KIF2A: variants seen among roughly 807,000 people sequenced by gnomAD.
KIF2A encodes kinesin family member 2A.
KIF2A carries 22 observed loss-of-function variants against 100.2 expected under a neutral mutation model. The observed-to-expected ratio is 0.22, with a 90% confidence interval of 0.16 to 0.31. The LOEUF is 0.31. Among genes scored for constraint, KIF2A ranks in the 10% least tolerant of loss-of-function variants. KIF2A has a pLI of 1.00. For synonymous variants in KIF2A, 268 were observed against 285.9 expected (o/e 0.94, Z 0.63); for missense variants, 495 against 898.7 (o/e 0.55, Z 5.74).
intron 4 of KIF2A, among the ~76,000 whole-genome samples, chr5:62,351,147 G>A (rs1384440933): frequency 6.6e-6 from 1 of 151,910 alleles, no homozygotes; most frequent in Non-Finnish European, 1.5e-5. Context: ...CAGGAGGATC[G>A]CTTGAACCCA....
At chr5:62,347,742 G>T (rs1450691332) in intron 2 of KIF2A, among the ~76,000 whole-genome samples, 1 of 151,766 alleles carries the variant, frequency 6.6e-6, no homozygotes. Context: ...CCTCCCACCT[G>T]TCTCCAGAGT....
At chr5:62,374,673 T>C (rs1004266818) in intron 18 of KIF2A, among the ~76,000 whole-genome samples, 2 of 152,156 alleles carry the variant, frequency 1.3e-5, no homozygotes, top group Non-Finnish European at 2.9e-5. Flanking sequence ...AGGCGCGGTG[T>C]CTCACGCCTG....
chr5:62,390,690 A>G lies in KIF2A; in HGVS notation c.*5121A>G, dbSNP rs1177651405. On this transcript the variant is annotated 3_prime_UTR_variant, in exon 21 of 21. Coordinates refer to ENST00000407818, the MANE Select transcript of KIF2A (RefSeq NM_001098511.3). ...TTCTTTACTACTGTTCTTAAAGAAA[A>G]TGTTCATTCTGCTGCAGCTAACTAG... 6.6e-6 allele frequency among the ~76,000 whole-genome samples: 1 copy of G among 152,158 alleles called. No individual in the cohort carries two copies. The highest frequency in any genetic ancestry group is 1.5e-5 in the Non-Finnish European group (1 of 68,026).
intron 1 of KIF2A, among the ~76,000 whole-genome samples, chr5:62,317,475 T>C (rs1190882906): frequency 6.6e-6 from 1 of 152,244 alleles, no homozygotes; most frequent in East Asian, 1.9e-4. Flanking sequence ...TATATTGTTA[T>C]AATGAGGAAG....
chr5:62,364,885 A>G (rs1023151013), intron 14 of KIF2A, among the ~76,000 whole-genome samples: 1 of 152,172 alleles, frequency 6.6e-6, no homozygotes, highest in Non-Finnish European at 1.5e-5. Context: ...CCCTGAGGTC[A>G]GGAGTTCGAT....
rs1742074748 is a variant in KIF2A at position 62,387,248 on chromosome 5, G to GTT, written c.*1680_*1681insTT. 6.6e-6 allele frequency: 1 copy of GTT among 152,146 alleles called. No homozygotes were observed. The highest frequency in any genetic ancestry group is 1.5e-5 in the Non-Finnish European group (1 of 68,026). 9.4% of individuals were successfully genotyped at this position (152,146 alleles called of 1,614,324 possible). A position where few individuals can be genotyped will look rare whatever the true frequency, so the allele number is the denominator to read the frequency against. Reference sequence around the variant, plus strand: ...AAAGGACTCAGGTTTTCTTGCAGCTGTAAGATATATTCTATTTGTGTTTAT... The same window carrying GTT: ...AAAGGACTCAGGTTTTCTTGCAGCTGTTTAAGATATATTCTATTTGTGTTTAT... On this transcript the variant is annotated 3_prime_UTR_variant, in exon 21 of 21. Transcript: ENST00000407818.
rs2111915930 is a variant in KIF2A at position 62,350,114 on chromosome 5, A to C, written c.328A>C (p.Asn110His). The C allele has an allele frequency of 1.3e-6, 2 of 1,569,964 alleles. No homozygotes were observed. The highest frequency in any genetic ancestry group is 8.7e-7 in the Non-Finnish European group (1 of 1,154,568). Reference sequence around the variant, plus strand: ...TAAGAATGACCCTCCTTCAAGAGATAATAGAGGTAAAGTAAAAATTTATCT... The same window carrying C: ...TAAGAATGACCCTCCTTCAAGAGATCATAGAGGTAAAGTAAAAATTTATCT... ...SIKNDPPSRD[N>H]RVVGSARARP... Residue 110 changes from asparagine (N) to histidine (H), a missense_variant, in exon 4 of 21, where the codon AAT becomes CAT. By Grantham distance (68) the Asn-to-His change is moderately conservative. Coordinates refer to ENST00000407818, the MANE Select transcript of KIF2A (RefSeq NM_001098511.3).
At position 62,331,366 on chromosome 5, in the gene KIF2A, G is replaced by A. The variant is rs531146855; in HGVS notation, c.65-15764G>A. ...GCAGAGGCTGTGGTGAGCTGAGATCGTGCCATTGCACTCCAGCTTGGGCAA... is the reference window on the plus strand; with the variant it reads ...GCAGAGGCTGTGGTGAGCTGAGATCATGCCATTGCACTCCAGCTTGGGCAA... On this transcript the variant is annotated intron_variant, in intron 1 of 20. Transcript: ENST00000407818. 4.6e-5 allele frequency among the ~76,000 whole-genome samples: 7 copies of A among 151,818 alleles called. No homozygotes were observed. In the East Asian group the frequency reaches 1.4e-3, roughly 29 times the overall value.
At chr5:62,336,256 A>T (rs923597313) in intron 1 of KIF2A, among the ~76,000 whole-genome samples, 41 of 152,228 alleles carry the variant, frequency 2.7e-4, no homozygotes, top group African/African-American at 9.6e-4. Context: ...AGTCAGGTCC[A>T]CTGTTTGAAG....
intron 1 of KIF2A, among the ~76,000 whole-genome samples, chr5:62,340,265 G>C (rs1029472689): frequency 6.6e-6 from 1 of 152,096 alleles, no homozygotes; most frequent in Non-Finnish European, 1.5e-5. Context: ...GGAATGTATG[G>C]GGTTTCAAAA....
intron 4 of KIF2A, among the ~76,000 whole-genome samples, chr5:62,351,458 A>G (rs1373837784): frequency 6.6e-6 from 1 of 152,046 alleles, no homozygotes. Context: ...TCTCCCATAT[A>G]TTTTCAGCCA....
chr5:62,381,369 T>C (rs1741764954), intron 20 of KIF2A, 116 bp downstream of exon 20: 1 of 771,326 alleles, frequency 1.3e-6, no homozygotes, highest in Non-Finnish European at 2.1e-6. Context: ...GGGCACTGTT[T>C]AGCATCTATT....
At chr5:62,376,218 C>T (rs918021932) in intron 18 of KIF2A, among the ~76,000 whole-genome samples, 4 of 152,122 alleles carry the variant, frequency 2.6e-5, no homozygotes, top group Non-Finnish European at 5.9e-5. Flanking sequence ...TTTACAGCCT[C>T]CATGTTTGAG....
chr5:62,362,739 C>T (rs1748470996), intron 12 of KIF2A, among the ~76,000 whole-genome samples, 198 bp downstream of exon 12: 1 of 152,078 alleles, frequency 6.6e-6, no homozygotes, highest in South Asian at 2.1e-4. Flanking sequence ...TCCTTTGAAA[C>T]TTTTCAACTT....
chr5:62,357,697 G>T lies in KIF2A; in HGVS notation c.661G>T (p.Glu221Ter). 6.5e-7 allele frequency: 1 copy of T among 1,529,700 alleles called. No individual in the cohort carries two copies. Among genetic ancestry groups the T allele is most frequent in the South Asian group, 1.2e-5 (1 of 84,992 alleles). 94.8% of individuals were successfully genotyped at this position (1,529,700 alleles called of 1,614,324 possible). Residue 221 changes from glutamate to a stop codon, truncating the protein, a stop_gained, in exon 8 of 21, where the codon GAA (glutamate) becomes TAA (stop). Coordinates refer to ENST00000407818, the MANE Select transcript of KIF2A (RefSeq NM_001098511.3). LOFTEE classifies it high-confidence loss of function. Reference sequence around the variant, plus strand: ...AAATACTTTTTATTTCTAGATTGATGAACATAGGATATGTGTGTGTGTAAG... The same window carrying T: ...AAATACTTTTTATTTCTAGATTGATTAACATAGGATATGTGTGTGTGTAAG... ...RPLTTADPID[E>*]HRICVCVRKR...
At chr5:62,310,206 A>G (rs1745495527) in intron 1 of KIF2A, among the ~76,000 whole-genome samples, 1 of 151,668 alleles carries the variant, frequency 6.6e-6, no homozygotes, top group Non-Finnish European at 1.5e-5. Context: ...GGTGTGTGCC[A>G]CCATGCCCGG....
chr5:62,347,960 G>A (rs1747661376), intron 2 of KIF2A, 88 bp from the exon 3 acceptor site: 5 of 1,397,564 alleles, frequency 3.6e-6, no homozygotes, highest in African/African-American at 2.9e-5. Flanking sequence ...TAATTTAAGA[G>A]TTATTTACTT....
chr5:62,335,263 C>T (rs1314017261), intron 1 of KIF2A, among the ~76,000 whole-genome samples: 4 of 152,160 alleles, frequency 2.6e-5, no homozygotes, highest in Non-Finnish European at 4.4e-5. Context: ...AGATGAGCTG[C>T]GCATGGAGCT....
At chr5:62,350,685 G>T (rs1561267284) in intron 4 of KIF2A, among the ~76,000 whole-genome samples, 3 of 152,112 alleles carry the variant, frequency 2.0e-5, no homozygotes, top group Non-Finnish European at 4.4e-5. Context: ...GCTGAGGCGG[G>T]TGGATCACCT....
Sources: allele counts gnomAD v4.1 joint callset (sites outside exome capture counted in the v4.1 genomes callset), GRCh38; gene constraint gnomAD v4.1.1; transcripts MANE v1.5; gene names NCBI Gene and HGNC (gene_info 2026-07-23, HGNC 2026-07-21).